SLC10A2: variants seen among roughly 807,000 people sequenced by gnomAD.
SLC10A2 encodes the protein solute carrier family 10 member 2.
SLC10A2 carries 34 observed loss-of-function variants against 27.1 expected under a neutral mutation model. That is an observed-to-expected ratio of 1.26 (90% CI 0.96 to 1.67). SLC10A2 has a LOEUF of 1.67. Among genes scored for constraint, SLC10A2 ranks in the 40% most tolerant of loss-of-function variants. SLC10A2 has a pLI of 0.00. For missense variants in SLC10A2, 530 were observed against 444.4 expected (o/e 1.19, Z -1.73); for synonymous variants, 205 against 174.0 (o/e 1.18, Z -1.40).
At chr13:103,062,930 A>C (rs1876166953) in intron 1 of SLC10A2, among the ~76,000 whole-genome samples, 1 of 152,108 alleles carries the variant, frequency 6.6e-6, no homozygotes, top group Admixed American at 6.6e-5. Flanking sequence ...GGATGAAGAC[A>C]CCGGATATTT....
In SLC10A2 at chr13:103,052,013, G is replaced by A. The variant is rs1875797351; in HGVS notation, c.586-581C>T. On this transcript the variant is annotated intron_variant, in intron 3 of 5. Transcript: ENST00000245312. ...AAACATTTTTTGTCAAGAGAAGCAA[G>A]GAATACAATGGACTTACTTTGCCCC... Among the ~76,000 whole-genome samples, 4 of 152,228 alleles carry A rather than the reference G, an allele frequency of 2.6e-5. No homozygotes were observed. The South Asian group carries it at 8.3e-4, about 32-fold the overall frequency.
intron 2 of SLC10A2, among the ~76,000 whole-genome samples, chr13:103,053,109 TGTGTG>T (rs1875837696): frequency 1.4e-5 from 2 of 141,278 alleles, no homozygotes; most frequent in Non-Finnish European, 3.0e-5. Context: ...TGTGTGTGTG[TGTGTG>T]TGTGTGTGTG....
At chr13:103,055,908 T>G (rs1875923727) in intron 2 of SLC10A2, among the ~76,000 whole-genome samples, 1 of 152,222 alleles carries the variant, frequency 6.6e-6, no homozygotes, top group Non-Finnish European at 1.5e-5. Flanking sequence ...CCCTTCCTTA[T>G]TTGGAAATAT....
rs766865610 is a variant in SLC10A2 at position 103,049,297 on chromosome 13, A to C, written c.911T>G (p.Phe304Cys). ...SIFQLAFAAI[F>C]LGFYVAYKKC... ...TTGGCATGATTCCTTACATCCTAAG[A>C]ATATTGCGGCAAAGGCGAGCTGGAA... is the stretch of plus-strand genomic sequence containing the variant. Residue 304 changes from phenylalanine to cysteine, a missense_variant, in exon 5 of 6, where the codon TTC becomes TGC. By Grantham distance (205) the Phe-to-Cys change is radical. Transcript: ENST00000245312. 3.7e-6 allele frequency: 6 copies of C among 1,613,674 alleles called. No individual in the cohort carries two copies. Among genetic ancestry groups the C allele is most frequent in the African/African-American group, 1.3e-5 (1 of 74,928 alleles).
Position 103,051,023 on chromosome 13 carries a change from T to C in SLC10A2, c.761+234A>G, listed in dbSNP as rs74109980. 9.9e-3 allele frequency among the ~76,000 whole-genome samples: 1,506 copies of C among 152,188 alleles called. 23 individuals are homozygous for C. Among genetic ancestry groups the C allele is most frequent in the African/African-American group, 0.035 (1,455 of 41,532 alleles). ...ACTGAGGAAAGACACAGGAAGAAGA[T>C]GGATGTCTGCAAGCCACGAGGAAGG... On this transcript the variant is annotated intron_variant, in intron 4 of 5. Coordinates refer to ENST00000245312, the MANE Select transcript of SLC10A2 (RefSeq NM_000452.3).
intron 1 of SLC10A2, among the ~76,000 whole-genome samples, chr13:103,061,736 G>T (rs1267164705): frequency 6.6e-6 from 1 of 152,154 alleles, no homozygotes; most frequent in East Asian, 1.9e-4. Flanking sequence ...CTGACGAAGA[G>T]ACCTTGCAGA....
At chr13:103,046,846 G>A (rs1257284119) in intron 5 of SLC10A2, among the ~76,000 whole-genome samples, 1 of 152,152 alleles carries the variant, frequency 6.6e-6, no homozygotes, top group African/African-American at 2.4e-5. Context: ...GCTCTGCCCT[G>A]CGAGGCAAGA....
chr13:103,053,502 CT>C (rs1284802744), intron 2 of SLC10A2, among the ~76,000 whole-genome samples: 15 of 152,322 alleles, frequency 9.8e-5, no homozygotes, highest in African/African-American at 3.1e-4. Context: ...TTATTTAACA[CT>C]CATTTGTCCA....
intron 1 of SLC10A2, among the ~76,000 whole-genome samples, chr13:103,065,553 C>T (rs542163571): frequency 4.6e-5 from 7 of 152,200 alleles, no homozygotes; most frequent in Admixed American, 4.6e-4. Flanking sequence ...CAGGATAAAC[C>T]TCCTCAGCTG....
chr13:103,049,378 G>A lies in SLC10A2; in HGVS notation c.830C>T (p.Ser277Phe). ...GACATTGAGCTCCTCAGGAGTGAAG[G>A]AGAGCTGAACGATGGTGGAACATAG... ...TQLCSTIVQLSFTPEELNVVF... is the reference protein window; with the variant it reads ...TQLCSTIVQLFFTPEELNVVF... Residue 277 changes from serine to phenylalanine, a missense_variant, in exon 5 of 6, where the codon TCC becomes TTC. Ser to Phe is a radical substitution (Grantham distance 155). Coordinates refer to ENST00000245312, the MANE Select transcript of SLC10A2 (RefSeq NM_000452.3). 2 of 1,614,074 alleles carry A rather than the reference G, an allele frequency of 1.2e-6. No individual in the cohort carries two copies. Among genetic ancestry groups the A allele is most frequent in the East Asian group, 2.2e-5 (1 of 44,874 alleles).
chr13:103,056,983 C>T (rs181559603), intron 2 of SLC10A2, among the ~76,000 whole-genome samples: 72 of 152,300 alleles, frequency 4.7e-4, no homozygotes, highest in Admixed American at 4.2e-3. Flanking sequence ...CCCTAAATCA[C>T]AGAAGCAGTC....
At chr13:103,048,109 C>T (rs1420449408) in intron 5 of SLC10A2, among the ~76,000 whole-genome samples, 1 of 152,082 alleles carries the variant, frequency 6.6e-6, no homozygotes, top group Non-Finnish European at 1.5e-5. Flanking sequence ...TGAAGCTAAG[C>T]AGAAAAGTAA....
rs150970825 is a variant in SLC10A2, at chr13:103,066,075, G to A, written c.175C>T (p.Leu59=). 7.8e-5 allele frequency: 126 copies of A among 1,614,198 alleles called. No homozygotes were observed. In the African/African-American group the frequency reaches 1.5e-3, roughly 19 times the overall value. Residue 59 remains leucine, a synonymous_variant, in exon 1 of 6, where the codon CTA becomes TTA. Coordinates refer to ENST00000245312, the MANE Select transcript of SLC10A2 (RefSeq NM_000452.3). ...MGCNVEIKKF[L]GHIKRPWGIC... is the part of the protein sequence containing the mutation. ...CCCCACGGCCGCTTTATGTGCCCTA[G>A]AAATTTCTTGATTTCCACGTTGCAT... is the stretch of plus-strand genomic sequence containing the variant.
intron 1 of SLC10A2, among the ~76,000 whole-genome samples, chr13:103,060,730 A>G (rs9582652): frequency 0.084 from 12,782 of 152,206 alleles, 908 homozygotes; most frequent in African/African-American, 0.19. Context: ...TGTTCCACCA[A>G]ATAGAATCGG....
intron 4 of SLC10A2, among the ~76,000 whole-genome samples, chr13:103,051,044 G>A (rs1341268129): frequency 6.6e-6 from 1 of 152,140 alleles, no homozygotes. Context: ...AAGCCACGAG[G>A]AAGGCCAGTA....
At chr13:103,052,341 G>A (rs187078616) in intron 3 of SLC10A2, among the ~76,000 whole-genome samples, 1 of 151,810 alleles carries the variant, frequency 6.6e-6, no homozygotes, top group African/African-American at 2.4e-5. Context: ...GGCATGCTAG[G>A]CTGGGCGCAG....
chr13:103,064,219 C>T (rs1876208067), intron 1 of SLC10A2, among the ~76,000 whole-genome samples: 1 of 151,962 alleles, frequency 6.6e-6, no homozygotes, highest in South Asian at 2.1e-4. Context: ...GAGGTTTCTA[C>T]CAAAGCTTCA....
Position 103,066,359 on chromosome 13 carries a change from T to A in SLC10A2, c.-110A>T. On this transcript the variant is annotated 5_prime_UTR_variant, in exon 1 of 6. Coordinates refer to ENST00000245312, the MANE Select transcript of SLC10A2 (RefSeq NM_000452.3). ...GTTTACTTCTACCCCATCAAACTTT[T>A]AAACCCCTCCTAAAAATATGTCACT... 8.1e-7 allele frequency: 1 copy of A among 1,227,800 alleles called. No individual in the cohort carries two copies. The highest frequency in any genetic ancestry group is 1.1e-6 in the Non-Finnish European group (1 of 904,648). The allele number at this position is 1,227,800 out of a possible 1,614,324, so 76.1% of individuals were successfully genotyped here. A position where few individuals can be genotyped will look rare whatever the true frequency, so the allele number is the denominator to read the frequency against.
At position 103,066,129 on chromosome 13, in the gene SLC10A2, G is replaced by A. The variant is rs774261152; in HGVS notation, c.121C>T (p.Leu41=). 1.2e-6 allele frequency: 2 copies of A among 1,614,066 alleles called. No individual in the cohort carries two copies. The highest frequency in any genetic ancestry group is 8.5e-7 in the Non-Finnish European group (1 of 1,179,966). ...SVVLSTVLTI[L]LALVMFSMGC... ...ATGGAGAACATCACCAAGGCCAACA[G>A]GATGGTCAGCACCGTACTTAGGACC... is the stretch of plus-strand genomic sequence containing the variant. Residue 41 remains leucine, a synonymous_variant, in exon 1 of 6, where the codon CTG becomes TTG. Transcript: ENST00000245312.
Sources: gnomAD v4.1 joint callset for allele counts (sites outside exome capture counted in the v4.1 genomes callset) on GRCh38, gnomAD v4.1.1 for gene constraint, MANE v1.5 for transcripts, NCBI Gene and HGNC (gene_info 2026-07-23, HGNC 2026-07-21) for gene names.